Variants in FCRL1 observed in about 807,000 individuals in gnomAD.
FCRL1 encodes Fc receptor like 1.
FCRL1 carries 34 observed loss-of-function variants against 49.2 expected under a neutral mutation model. The ratio of observed to expected loss-of-function variants is 0.69; its 90% CI spans 0.53 to 0.92. The LOEUF (loss-of-function observed/expected upper bound fraction) is 0.92. Among genes scored for constraint, FCRL1 ranks in the 40% least tolerant of loss-of-function variants. FCRL1 has a pLI of 0.00. For synonymous variants in FCRL1, 218 were observed against 201.6 expected, an observed-to-expected ratio of 1.08 and a Z score of -0.69; for missense variants, 524 against 524.1, an observed-to-expected ratio of 1.00 and a Z score of 0.00.
At chr1:157,797,660 T>A (rs1651738235) in intron 9 of FCRL1, 1 of 1,311,352 alleles carries the variant, frequency 7.6e-7, no homozygotes, top group Non-Finnish European at 1.1e-6. Context: ...TGACAGCCCA[T>A]CCCCAGGGGA....
intron 2 of FCRL1, among the ~76,000 whole-genome samples, chr1:157,806,020 C>T (rs1241264774): frequency 1.3e-5 from 2 of 152,184 alleles, no homozygotes; most frequent in East Asian, 3.8e-4. Flanking sequence ...TCTTACAGCT[C>T]AGAGCTTGTT....
chr1:157,811,960 A>G (rs1313091311), intron 1 of FCRL1, among the ~76,000 whole-genome samples: 1 of 152,184 alleles, frequency 6.6e-6, no homozygotes, highest in Non-Finnish European at 1.5e-5. Flanking sequence ...GCCAAGGAAC[A>G]GGCTGTCCTG....
chr1:157,810,679 T>C (rs1297658850), intron 1 of FCRL1, among the ~76,000 whole-genome samples: 2 of 152,216 alleles, frequency 1.3e-5, no homozygotes, highest in Non-Finnish European at 2.9e-5. Flanking sequence ...TCAAAAATTA[T>C]AGACAGTCTT....
At chr1:157,809,298 G>A (rs751394909) in intron 1 of FCRL1, among the ~76,000 whole-genome samples, 11 of 152,126 alleles carry the variant, frequency 7.2e-5, no homozygotes, top group Non-Finnish European at 1.5e-4. Context: ...GCTTATGACT[G>A]TAATCCCAAC....
At chr1:157,817,217 C>G (rs1655164854) in intron 1 of FCRL1, among the ~76,000 whole-genome samples, 1 of 151,642 alleles carries the variant, frequency 6.6e-6, no homozygotes, top group Non-Finnish European at 1.5e-5. Flanking sequence ...ATAGCCCAAA[C>G]AACCTTGAAG....
intron 9 of FCRL1, 140 bp downstream of exon 9, chr1:157,797,728 A>G: frequency 6.4e-7 from 1 of 1,561,684 alleles, no homozygotes; most frequent in South Asian, 1.2e-5. Context: ...AGACCCAAGG[A>G]CAGCCATTAA....
In FCRL1 at chr1:157,801,944, C is replaced by A. The variant is rs551893022; in HGVS notation, c.857G>T (p.Arg286Leu). Residue 286 changes from arginine to leucine, a missense_variant, in exon 5 of 11, where the codon CGC becomes CTC. Coordinates refer to ENST00000368176, the MANE Select transcript of FCRL1 (RefSeq NM_052938.5). ...CEANNGLGAQ[R>L]SEAVTLNFTV... ...GAAGTTGAGTGTCACCGCCTCACTG[C>A]GCTGGGCCCCCAGGCCATTGTTGGC... 16 of 1,613,988 alleles carry A rather than the reference C, an allele frequency of 9.9e-6. No individual in the cohort carries two copies. The South Asian group carries it at 1.6e-4, about 17-fold the overall frequency.
In FCRL1 at chr1:157,820,061, C is replaced by A; in HGVS notation, c.-24G>T. 1 of 1,614,000 alleles carries A rather than the reference C, an allele frequency of 6.2e-7. No individual in the cohort carries two copies. Among genetic ancestry groups the A allele is most frequent in the East Asian group, 2.2e-5 (1 of 44,870 alleles). On this transcript the variant is annotated 5_prime_UTR_variant, in exon 1 of 11. It adds an upstream start codon to the 5' untranslated region. Transcript: ENST00000368176. The stretch of plus-strand genomic sequence containing the variant: ...ATGAGGACCAGGTCAGGGATGGTAC[C>A]TAGAGATGCCTCTCATCAAAAAAAG...
rs760436980 is a variant in FCRL1, at chr1:157,801,567, C to T, written c.897G>A (p.Gly299=). 6 of 1,612,110 alleles carry T rather than the reference C, an allele frequency of 3.7e-6. No homozygotes were observed. Among genetic ancestry groups the T allele is most frequent in the Non-Finnish European group, 5.1e-6 (6 of 1,178,522 alleles). ...AVTLNFTVPT[G]ARSNHLTSGV... ...CTGAGGTAAGATGATTGCTTCTGGCCCCAGTAGGCACTAGAGGGAGAGACC... is the reference window on the plus strand; with the variant it reads ...CTGAGGTAAGATGATTGCTTCTGGCTCCAGTAGGCACTAGAGGGAGAGACC... The change falls in exon 6 of 11, where the codon GGG becomes GGA. Residue 299 remains glycine (G), a synonymous_variant. Coordinates refer to ENST00000368176, the MANE Select transcript of FCRL1 (RefSeq NM_052938.5).
At chr1:157,797,219 C>T (rs1021487085) in intron 9 of FCRL1, 87 bp from the exon 10 acceptor site, 26 of 1,182,244 alleles carry the variant, frequency 2.2e-5, no homozygotes, top group Admixed American at 3.5e-5. Flanking sequence ...TCTTCCTCTC[C>T]CATCTATTTC....
chr1:157,799,625 C>T (rs1046253213), intron 7 of FCRL1, among the ~76,000 whole-genome samples: 3 of 151,746 alleles, frequency 2.0e-5, no homozygotes, highest in Admixed American at 1.3e-4. Context: ...GAACATCACA[C>T]ACCGGGGACT....
intron 1 of FCRL1, among the ~76,000 whole-genome samples, chr1:157,815,683 TAAAC>T (rs1245191767): frequency 1.3e-5 from 2 of 151,190 alleles, no homozygotes; most frequent in Admixed American, 6.6e-5. Flanking sequence ...TTTAAAAAGA[TAAAC>T]AAAATTGACA....
In FCRL1 at chr1:157,802,399, C is replaced by T. The variant is rs771793702; in HGVS notation, c.585G>A (p.Gly195=). Residue 195 remains glycine, a synonymous_variant, in exon 4 of 11, where the codon GGG becomes GGA. Coordinates refer to ENST00000368176, the MANE Select transcript of FCRL1 (RefSeq NM_052938.5). ...AENGYGPSPS[G]LVSITVRIPV... Reference sequence around the variant, plus strand: ...TACTTCTGACAGTGATGCTCACCAGCCCACTGGGGCTGGGACCATAGCCAT... The same window carrying T: ...TACTTCTGACAGTGATGCTCACCAGTCCACTGGGGCTGGGACCATAGCCAT... 2 of 1,614,152 alleles carry T rather than the reference C, an allele frequency of 1.2e-6. No homozygotes were observed.
chr1:157,804,217 T>A, intron 2 of FCRL1, 106 bp from the exon 3 acceptor site: 2 of 1,420,068 alleles, frequency 1.4e-6, no homozygotes, highest in Admixed American at 2.0e-5. Flanking sequence ...AACAGCCAGT[T>A]GGACACACAG....
At chr1:157,810,298 T>C (rs1305615447) in intron 1 of FCRL1, among the ~76,000 whole-genome samples, 1 of 51,200 alleles carries the variant, frequency 2.0e-5, no homozygotes, top group East Asian at 1.0e-3. Context: ...TTTTTCTTTT[T>C]TCTTTTTTTT....
chr1:157,811,747 T>A (rs1423868952), intron 1 of FCRL1, among the ~76,000 whole-genome samples: 1 of 152,172 alleles, frequency 6.6e-6, no homozygotes, highest in East Asian at 1.9e-4. Flanking sequence ...GGCTTCACCA[T>A]CCTTGCATCA....
chr1:157,801,476 G>A lies in FCRL1; in HGVS notation c.988C>T (p.Leu330Phe). Residue 330 changes from leucine to phenylalanine, a missense_variant, in exon 6 of 11, where the codon CTC becomes TTC. By Grantham distance (22) the Leu-to-Phe change is conservative. Transcript: ENST00000368176. ...AAATACTAACCTATTTTTCTTTTGA[G>A]GCCGTAGCAAAATAATAAGGCCACG... is the stretch of plus-strand genomic sequence containing the variant. ...ATVALLFCYG[L>F]KRKIGRRSAR... The A allele has an allele frequency of 6.2e-7, 1 of 1,610,086 alleles. No homozygotes were observed. Among genetic ancestry groups the A allele is most frequent in the South Asian group, 1.1e-5 (1 of 90,824 alleles).
chr1:157,799,930 A>G (rs1361135580), intron 7 of FCRL1, 128 bp downstream of exon 7: 11 of 564,036 alleles, frequency 2.0e-5, no homozygotes, highest in Non-Finnish European at 2.9e-5. Flanking sequence ...TGCCAGTGGG[A>G]GAACTCAGGA....
chr1:157,804,289 C>T, intron 2 of FCRL1, 178 bp from the exon 3 acceptor site: 3 of 629,812 alleles, frequency 4.8e-6, no homozygotes, highest in Non-Finnish European at 8.1e-6. Context: ...GCCATGAACT[C>T]ACCCTGCTCA....
Sources: gnomAD v4.1 joint callset for allele counts (sites outside exome capture counted in the v4.1 genomes callset) on GRCh38, gnomAD v4.1.1 for gene constraint, MANE v1.5 for transcripts, NCBI Gene and HGNC (gene_info 2026-07-23, HGNC 2026-07-21) for gene names.